MTHFD1L: variants seen among roughly 807,000 people sequenced by gnomAD.
MTHFD1L encodes methylenetetrahydrofolate dehydrogenase (NADP+ dependent) 1 like.
In MTHFD1L, 81 loss-of-function variants were observed where a neutral mutation model predicts 119.5. The ratio of observed to expected loss-of-function variants is 0.68; its 90% CI spans 0.57 to 0.82. The LOEUF (loss-of-function observed/expected upper bound fraction) is 0.82. Ranked by LOEUF, MTHFD1L falls within the 40% of genes least tolerant of loss-of-function variation. The pLI, the probability that MTHFD1L is intolerant of heterozygous loss-of-function variation, is 0.00. For missense variants in MTHFD1L, 1,125 were observed against 1,253.4 expected (o/e 0.90, Z 1.55); for synonymous variants, 430 against 475.2 (o/e 0.90, Z 1.24).
intron 26 of MTHFD1L, among the ~76,000 whole-genome samples, chr6:151,043,258 C>CTTTTTTTTTT (rs1170553631): frequency 3.8e-5 from 3 of 78,856 alleles, no homozygotes; most frequent in East Asian, 4.7e-4. Context: ...AGTGTTTTCT[C>CTTTTTTTTTT]TTTTTTTTTT....
rs754764613 is a variant in MTHFD1L at position 150,922,303 on chromosome 6, G to A, written c.1082+1G>A. ...TTCAGCCTCTCTCCCCTGTGCCAAGGTAACACTGGTGTTTTATTTACACTG... is the reference window on the plus strand; with the variant it reads ...TTCAGCCTCTCTCCCCTGTGCCAAGATAACACTGGTGTTTTATTTACACTG... On this transcript the variant is annotated splice_donor_variant, in intron 10 of 27. Coordinates refer to ENST00000367321, the MANE Select transcript of MTHFD1L (RefSeq NM_015440.5). LOFTEE classifies it high-confidence loss of function. 6.2e-7 allele frequency: 1 copy of A among 1,613,022 alleles called. No homozygotes were observed. Among genetic ancestry groups the A allele is most frequent in the East Asian group, 2.2e-5 (1 of 44,878 alleles).
intron 26 of MTHFD1L, among the ~76,000 whole-genome samples, chr6:151,046,469 GTGTA>G (rs1202609683): frequency 7.1e-3 from 831 of 116,668 alleles, no homozygotes; most frequent in African/African-American, 0.013. Flanking sequence ...ATATGTGTGT[GTGTA>G]TATATATATA....
At chr6:150,989,388 C>T (rs1036775057) in intron 20 of MTHFD1L, among the ~76,000 whole-genome samples, 5 of 151,966 alleles carry the variant, frequency 3.3e-5, no homozygotes, top group Non-Finnish European at 4.4e-5. Flanking sequence ...CTATACTCAC[C>T]GTTATTATTC....
At chr6:151,092,254 G>A (rs1183023168) in intron 26 of MTHFD1L, among the ~76,000 whole-genome samples, 1 of 152,094 alleles carries the variant, frequency 6.6e-6, no homozygotes, top group African/African-American at 2.4e-5. Context: ...AAGGTAAATG[G>A]TCTCAATTTT....
At chr6:150,977,979 T>C (rs1028697098) in intron 20 of MTHFD1L, among the ~76,000 whole-genome samples, 1 of 150,676 alleles carries the variant, frequency 6.6e-6, no homozygotes, top group Admixed American at 6.7e-5. Context: ...CAGCTCACGG[T>C]GACCTCCACC....
intron 21 of MTHFD1L, among the ~76,000 whole-genome samples, chr6:151,012,239 G>C (rs1171548265): frequency 6.6e-6 from 1 of 151,826 alleles, no homozygotes; most frequent in Admixed American, 6.6e-5. Context: ...TCTATATGCA[G>C]GGAGTGTTTT....
In MTHFD1L at chr6:150,920,735, T is replaced by G. The variant is rs983550385; in HGVS notation, c.985-1470T>G. ...AACCTATTCAGTATAAGTTTATCCA[T>G]GTACATGATGTCTTTTGTGAACACT... On this transcript the variant is annotated intron_variant, in intron 9 of 27. Transcript: ENST00000367321. Among the ~76,000 whole-genome samples, 8 of 149,218 alleles carry G rather than the reference T, an allele frequency of 5.4e-5. No individual in the cohort carries two copies. The South Asian group carries it at 1.1e-3, about 20-fold the overall frequency.
At chr6:150,901,033 A>T (rs1488399514) in intron 7 of MTHFD1L, among the ~76,000 whole-genome samples, 1 of 152,072 alleles carries the variant, frequency 6.6e-6, no homozygotes, top group Admixed American at 6.5e-5. Context: ...AAAGAAAAGA[A>T]AAGAAAAAGT....
intron 26 of MTHFD1L, among the ~76,000 whole-genome samples, chr6:151,051,576 G>A (rs1054697282): frequency 1.3e-5 from 2 of 152,060 alleles, no homozygotes; most frequent in East Asian, 1.9e-4. Context: ...TAGGTCAGTC[G>A]GCATGTACTC....
At chr6:151,031,486 C>T (rs184681840) in intron 24 of MTHFD1L, among the ~76,000 whole-genome samples, 1 of 152,354 alleles carries the variant, frequency 6.6e-6, no homozygotes, top group Admixed American at 6.5e-5. Context: ...AGGATGCTCA[C>T]ATGTGCCTAA....
At chr6:150,917,271 C>T (rs1274064022) in intron 8 of MTHFD1L, among the ~76,000 whole-genome samples, 1 of 151,958 alleles carries the variant, frequency 6.6e-6, no homozygotes, top group Non-Finnish European at 1.5e-5. Context: ...CACCTATAAC[C>T]CCAGCACTTT....
At chr6:150,992,723 G>A (rs1455457318) in intron 20 of MTHFD1L, among the ~76,000 whole-genome samples, 2 of 152,208 alleles carry the variant, frequency 1.3e-5, no homozygotes, top group African/African-American at 2.4e-5. Context: ...CTTTCTTGCA[G>A]CACTGATGGC....
intron 20 of MTHFD1L, among the ~76,000 whole-genome samples, chr6:151,009,525 C>T (rs1781922060): frequency 7.0e-6 from 1 of 142,214 alleles, no homozygotes; most frequent in South Asian, 2.1e-4. Context: ...CAGGGCAAGA[C>T]ACCATCTCCA....
chr6:150,969,827 C>T (rs1464120083), intron 19 of MTHFD1L, among the ~76,000 whole-genome samples: 1 of 152,102 alleles, frequency 6.6e-6, no homozygotes, highest in Non-Finnish European at 1.5e-5. Context: ...ATGAAGATAC[C>T]ATCTTCAGGA....
intron 20 of MTHFD1L, among the ~76,000 whole-genome samples, chr6:151,001,136 C>T (rs754591006): frequency 2.6e-5 from 4 of 152,124 alleles, no homozygotes; most frequent in Admixed American, 6.5e-5. Flanking sequence ...AATTCAAGTT[C>T]GTGTCCAGAC....
intron 20 of MTHFD1L, among the ~76,000 whole-genome samples, chr6:150,989,394 T>C (rs997922679): frequency 3.3e-5 from 5 of 152,216 alleles, no homozygotes; most frequent in Non-Finnish European, 5.9e-5. Flanking sequence ...TCACCGTTAT[T>C]ATTCATCATT....
intron 9 of MTHFD1L, among the ~76,000 whole-genome samples, chr6:150,920,241 T>C (rs981309609): frequency 3.3e-5 from 5 of 152,184 alleles, no homozygotes; most frequent in Admixed American, 2.6e-4. Flanking sequence ...AGAAGGAGAA[T>C]TGTCCTCACT....
intron 1 of MTHFD1L, among the ~76,000 whole-genome samples, chr6:150,867,150 G>A (rs183201964): frequency 6.6e-5 from 10 of 152,144 alleles, no homozygotes; most frequent in African/African-American, 2.4e-4. Flanking sequence ...ATTATGTGGC[G>A]GATGATTTTA....
At position 151,079,877 on chromosome 6, in the gene MTHFD1L, A is replaced by T. The variant is rs1243465907; in HGVS notation, c.2848-12590A>T. On this transcript the variant is annotated intron_variant, in intron 26 of 27. Transcript: ENST00000367321. ...GATTTACTTTGGTAAAAATTAAATT[A>T]AAAAAAAAGAAATTAGGCCAGGCGT... 4.6e-5 allele frequency among the ~76,000 whole-genome samples: 7 copies of T among 150,982 alleles called. No individual in the cohort carries two copies. The East Asian group carries it at 5.9e-4, about 13-fold the overall frequency.
Sources: allele counts gnomAD v4.1 joint callset (sites outside exome capture counted in the v4.1 genomes callset), GRCh38; gene constraint gnomAD v4.1.1; transcripts MANE v1.5; gene names NCBI Gene and HGNC (gene_info 2026-07-23, HGNC 2026-07-21).